Variants in CAPG observed in about 807,000 individuals in gnomAD.
The protein encoded by CAPG is capping actin protein, gelsolin like.
Under a neutral mutation model 44.6 loss-of-function variants are expected in CAPG, and 32 were observed. The observed-to-expected ratio is 0.72, with a 90% confidence interval of 0.54 to 0.96. The LOEUF (loss-of-function observed/expected upper bound fraction) is 0.96, where lower values mean the gene tolerates loss of function less well. CAPG is among the 50% of genes least tolerant of loss of function. The pLI, the probability that CAPG is intolerant of heterozygous loss-of-function variation, is 0.00. For missense variants in CAPG, 412 were observed against 438.3 expected (o/e 0.94, Z 0.54); for synonymous variants, 175 against 179.6 (o/e 0.97, Z 0.20).
At chr2:85,414,430 AT>A (rs34698883), upstream of CAPG, among the ~76,000 whole-genome samples, 117,053 of 129,630 alleles carry the variant, frequency 0.9, 52,733 homozygotes, top group East Asian at 0.95. Context: ...CAGAACTAAG[AT>A]TTTTTTTTTT....
intron 6 of CAPG, 125 bp downstream of exon 6, chr2:85,399,011 C>A: frequency 1.8e-6 from 2 of 1,134,040 alleles, no homozygotes; most frequent in South Asian, 1.4e-5. Flanking sequence ...GGCCACAGCC[C>A]TAGGCAGTAC....
At chr2:85,409,784 A>G (rs1687335348) in intron 1 of CAPG, 2 of 152,008 alleles carry the variant, frequency 1.3e-5, no homozygotes, top group South Asian at 4.2e-4. Context: ...GTCCACCTAG[A>G]CCCTCAGCCA....
chr2:85,399,898 G>A (rs1686801272), intron 5 of CAPG, among the ~76,000 whole-genome samples: 1 of 151,896 alleles, frequency 6.6e-6, no homozygotes, highest in Non-Finnish European at 1.5e-5. Context: ...TGTGCCACCA[G>A]GCCCGGCTAA....
intron 7 of CAPG, 43 bp from the exon 8 acceptor site, chr2:85,398,195 A>C: frequency 6.2e-7 from 1 of 1,600,248 alleles, no homozygotes; most frequent in Non-Finnish European, 8.5e-7. Context: ...CCCACACACC[A>C]GCCCTCACCT....
In CAPG at chr2:85,395,649, T is replaced by C; in HGVS notation, c.893-23A>G. 6.3e-7 allele frequency: 1 copy of C among 1,586,312 alleles called. No individual in the cohort carries two copies. The highest frequency in any genetic ancestry group is 8.6e-7 in the Non-Finnish European group (1 of 1,158,274). On this transcript the variant is annotated intron_variant, in intron 8 of 9. Coordinates refer to ENST00000263867, the MANE Select transcript of CAPG (RefSeq NM_001747.4). The surrounding 1 kb of genome is among the most constrained non-coding windows in gnomAD (Gnocchi z 4.3). ...GCCCTAGATCATAGGAAGGAGATTT[T>C]TAAAAAGAGCAGGGACCCTCTTTAG...
chr2:85,419,429 G>A (rs903940042), upstream of CAPG, among the ~76,000 whole-genome samples: 3 of 152,238 alleles, frequency 2.0e-5, no homozygotes, highest in Admixed American at 1.3e-4. Context: ...GTGCAAGCCA[G>A]GAACTCAGGG....
At chr2:85,399,097 A>G (rs1343604734) in intron 6 of CAPG, 39 bp downstream of exon 6, 3 of 1,606,796 alleles carry the variant, frequency 1.9e-6, no homozygotes, top group Non-Finnish European at 2.6e-6. Flanking sequence ...GCCACTTTCA[A>G]GCAGAGGCTC....
Position 85,396,859 on chromosome 2 carries a change from ACCCACCT to A in CAPG, c.892+1154_892+1160del, listed in dbSNP as rs1686625286. On this transcript the variant is annotated intron_variant, in intron 8 of 9. Coordinates refer to ENST00000263867, the MANE Select transcript of CAPG (RefSeq NM_001747.4). ...TGCCTGGTAGCAGCTATCTGTAGAT[ACCCACCT>A]ACTTGTCTGCCTTCCTGACCAGGCT... is the stretch of plus-strand genomic sequence containing the variant. Among the ~76,000 whole-genome samples the A allele has an allele frequency of 2.6e-5, 4 of 152,138 alleles. No homozygotes were observed. The South Asian group carries it at 8.3e-4, about 32-fold the overall frequency.
chr2:85,400,891 G>A (rs1686852333), intron 5 of CAPG, among the ~76,000 whole-genome samples: 1 of 152,180 alleles, frequency 6.6e-6, no homozygotes, highest in South Asian at 2.1e-4. Context: ...AGAGATAAAT[G>A]ACTGAATTAA....
intron 4 of CAPG, 68 bp downstream of exon 4, chr2:85,401,461 A>C (rs1021073057): frequency 2.6e-5 from 41 of 1,593,942 alleles, no homozygotes; most frequent in Non-Finnish European, 3.3e-5. Context: ...CAGGGTGAGA[A>C]CCAGCCAGAA....
At chr2:85,410,433 C>T (rs1290276245), upstream of CAPG, 1 of 152,368 alleles carries the variant, frequency 6.6e-6, no homozygotes, top group Non-Finnish European at 1.5e-5. Context: ...CCCTGGGCTC[C>T]TTCCCCAGCC....
chr2:85,392,389 C>CAAA (rs780926003), downstream of CAPG, among the ~76,000 whole-genome samples: 6 of 100,136 alleles, frequency 6.0e-5, 1 homozygote, highest in Admixed American at 3.1e-4. Flanking sequence ...GACTCCGTCT[C>CAAA]AAAAAAAAAA....
Position 85,395,061 on chromosome 2 carries a change from C to A in CAPG, c.982-103G>T. 1.3e-6 allele frequency: 1 copy of A among 788,610 alleles called. No individual in the cohort carries two copies. 48.9% of individuals were successfully genotyped at this position (788,610 alleles called of 1,614,324 possible). A position where few individuals can be genotyped will look rare whatever the true frequency, so the allele number is the denominator to read the frequency against. On this transcript the variant is annotated intron_variant, in intron 9 of 9. Coordinates refer to ENST00000263867, the MANE Select transcript of CAPG (RefSeq NM_001747.4). The surrounding 1 kb of genome is among the most constrained non-coding windows in gnomAD (Gnocchi z 4.3). ...AGAGCCAGGGAGGAGGGTGTGGGCG[C>A]CTGGCCTGAATCCATGTGCAGTCCA...
At chr2:85,407,697 A>G (rs560194592) in intron 1 of CAPG, among the ~76,000 whole-genome samples, 1 of 129,980 alleles carries the variant, frequency 7.7e-6, no homozygotes, top group East Asian at 2.5e-4. Context: ...TGGGTGACAG[A>G]GTGAGACTCT....
chr2:85,403,886 C>CAAAAAAAAAAA (rs36054381), intron 1 of CAPG, among the ~76,000 whole-genome samples: 5 of 69,784 alleles, frequency 7.2e-5, no homozygotes, highest in Non-Finnish European at 1.1e-4. Flanking sequence ...GACTCCATCT[C>CAAAAAAAAAAA]AAAAAAAAAA....
chr2:85,398,572 C>G, intron 7 of CAPG, 118 bp downstream of exon 7: 1 of 820,910 alleles, frequency 1.2e-6, no homozygotes, highest in Non-Finnish European at 2.0e-6. Context: ...CCTCCCACCT[C>G]GGTTCCAGCC....
chr2:85,413,936 T>G (rs1451230943), upstream of CAPG: 1 of 152,134 alleles, frequency 6.6e-6, no homozygotes, highest in Non-Finnish European at 1.5e-5. Context: ...GACCCCTACA[T>G]GGGGAGCCCA....
At position 85,401,250 on chromosome 2, in the gene CAPG, C is replaced by T. The variant is rs1048521847; in HGVS notation, c.431G>A (p.Gly144Glu). The T allele has an allele frequency of 1.1e-5, 18 of 1,614,054 alleles. No individual in the cohort carries two copies. The highest frequency in any genetic ancestry group is 2.7e-5 in the African/African-American group (2 of 74,912). ...CTCGGTGGCACGGATGTTCTTCTTC[C>T]CCTTCACCTGGTAGAGTTTCTTGAT... is the stretch of plus-strand genomic sequence containing the variant. ...AAIKKLYQVKGKKNIRATERA... is the reference protein window; with the variant it reads ...AAIKKLYQVKEKKNIRATERA... Residue 144 changes from glycine to glutamate, a missense_variant, in exon 5 of 10, where the codon GGG becomes GAG. Physicochemically the swap from Gly to Glu is moderately conservative, Grantham distance 98. Coordinates refer to ENST00000263867, the MANE Select transcript of CAPG (RefSeq NM_001747.4).
chr2:85,401,586 C>A lies in CAPG; in HGVS notation c.294G>T (p.Val98=). The change falls in exon 4 of 10, where the codon GTG becomes GTT. Residue 98 remains valine, a synonymous_variant. Coordinates refer to ENST00000263867, the MANE Select transcript of CAPG (RefSeq NM_001747.4). ...LGERPVQHRE[V]QGNESDLFMS... ...TGAAGAGGTCAGACTCATTGCCCTGCACCTCGCGGTGCTGCACAGGCCGCT... is the reference window on the plus strand; with the variant it reads ...TGAAGAGGTCAGACTCATTGCCCTGAACCTCGCGGTGCTGCACAGGCCGCT... 5 of 1,614,218 alleles carry A rather than the reference C, an allele frequency of 3.1e-6. No individual in the cohort carries two copies. Among genetic ancestry groups the A allele is most frequent in the Non-Finnish European group, 3.4e-6 (4 of 1,180,034 alleles).
Sources: allele counts gnomAD v4.1 joint callset (sites outside exome capture counted in the v4.1 genomes callset), GRCh38; gene constraint gnomAD v4.1.1; non-coding constraint Gnocchi (gnomAD v3.1); transcripts MANE v1.5; gene names NCBI Gene and HGNC (gene_info 2026-07-23, HGNC 2026-07-21).